The following PHACTR1 variants were observed in gnomAD, a reference collection of about 807,000 sequenced individuals.
PHACTR1 encodes RPEL repeat containing 1.
A neutral mutation model predicts 69.2 loss-of-function variants in PHACTR1; 16 were observed. The observed-to-expected ratio is 0.23, with a 90% CI of 0.16 to 0.35. The LOEUF is 0.35. PHACTR1 is among the 10% of genes least tolerant of loss of function. The pLI, the probability that PHACTR1 is intolerant of heterozygous loss-of-function variation, is 1.00. For synonymous variants in PHACTR1, 312 were observed against 284.5 expected (o/e 1.10, Z -0.97); for missense variants, 510 against 734.7 (o/e 0.69, Z 3.54).
chr6:13,223,548 A>G (rs1053197279), intron 8 of PHACTR1, among the ~76,000 whole-genome samples: 1 of 152,162 alleles, frequency 6.6e-6, no homozygotes, highest in African/African-American at 2.4e-5. Context: ...ACAAGGTATG[A>G]TATTTCCTCC....
At chr6:13,133,201 CT>C (rs1820754452) in intron 5 of PHACTR1, among the ~76,000 whole-genome samples, 3 of 1,360 alleles carry the variant, frequency 2.2e-3, no homozygotes, top group Non-Finnish European at 3.1e-3. Context: ...TCTATTTGGC[CT>C]CCCCCTCCCC....
rs869092852 is a variant in PHACTR1 at position 13,195,757 on chromosome 6, C to CAAAAAAAAAAAAAAAAAAAAA, written c.665-10055_665-10035dup. ...TGGGCGACAGAGAGAGACACCGTCTCAAAAAAAAAAAAAAAAAAAAAAAGT... is the reference window on the plus strand; with the variant it reads ...TGGGCGACAGAGAGAGACACCGTCTCAAAAAAAAAAAAAAAAAAAAAAAAAAAAAAAAAAAAAAAAAAAAGT... On this transcript the variant is annotated intron_variant, in intron 7 of 14. Transcript: ENST00000332995. Among the ~76,000 whole-genome samples the CAAAAAAAAAAAAAAAAAAAAA allele has an allele frequency of 1.9e-3, 77 of 41,480 alleles. 11 individuals carry two copies. The highest frequency in any genetic ancestry group is 3.0e-3 in the Admixed American group (9 of 2,954). 27.2% of individuals were successfully genotyped at this position (41,480 alleles called of 152,430 possible).
rs149759835 is a variant in PHACTR1 at position 13,160,328 on chromosome 6, G to A, written c.496+44G>A. 3.2e-3 allele frequency: 4,814 copies of A among 1,510,428 alleles called. 50 individuals carry two copies. Among genetic ancestry groups the A allele is most frequent in the Non-Finnish European group, 2.2e-3 (2,369 of 1,086,234 alleles). 93.6% of individuals were successfully genotyped at this position (1,510,428 alleles called of 1,614,324 possible). A position where few individuals can be genotyped will look rare whatever the true frequency, so the allele number is the denominator to read the frequency against. On this transcript the variant is annotated intron_variant, in intron 6 of 14. Transcript: ENST00000332995. The stretch of plus-strand genomic sequence containing the variant: ...TCATCCCCGGGTCAAAGAGTCATGC[G>A]TGGAATCTGCATGCATATTGCTTGG...
intron 4 of PHACTR1, among the ~76,000 whole-genome samples, chr6:12,937,909 T>C (rs1016645821): frequency 1.6e-4 from 25 of 152,192 alleles, no homozygotes; most frequent in Admixed American, 1.3e-3. Flanking sequence ...AAGACCAGCA[T>C]GGCCAACACG....
Position 12,792,294 on chromosome 6 carries a change from G to A in PHACTR1, c.250+42504G>A, listed in dbSNP as rs565505362. ...AGCCTGACCAACATGGAGAAACCCC[G>A]TCTCTACCAAAAATACAAAATTAGC... On this transcript the variant is annotated intron_variant, in intron 4 of 14. Transcript: ENST00000332995. Among the ~76,000 whole-genome samples the A allele has an allele frequency of 1.6e-4, 24 of 151,030 alleles. No homozygotes were observed. In the East Asian group the frequency reaches 3.5e-3, roughly 22 times the overall value.
At chr6:12,805,719 G>A (rs891976583) in intron 4 of PHACTR1, among the ~76,000 whole-genome samples, 3 of 151,736 alleles carry the variant, frequency 2.0e-5, no homozygotes, top group East Asian at 1.9e-4. Context: ...TCCTGCCTCC[G>A]TTTCCTGAGT....
At chr6:13,075,832 C>G (rs908386942) in intron 5 of PHACTR1, among the ~76,000 whole-genome samples, 1 of 152,118 alleles carries the variant, frequency 6.6e-6, no homozygotes, top group Non-Finnish European at 1.5e-5. Context: ...AATGATCTTT[C>G]TGCCCTCCGA....
chr6:12,748,112 G>A (rs191793206), intron 3 of PHACTR1, among the ~76,000 whole-genome samples: 6 of 152,234 alleles, frequency 3.9e-5, no homozygotes, highest in Admixed American at 3.9e-4. Context: ...CGAGATTGGA[G>A]TGTAAAAACA....
intron 4 of PHACTR1, among the ~76,000 whole-genome samples, chr6:12,965,481 T>G (rs1398874802): frequency 2.1e-5 from 3 of 144,610 alleles, no homozygotes; most frequent in Non-Finnish European, 4.5e-5. Flanking sequence ...ATTTTGGTGC[T>G]TTTTGTTGGT....
chr6:13,187,697 G>C (rs890143281), intron 7 of PHACTR1, among the ~76,000 whole-genome samples: 13 of 152,170 alleles, frequency 8.5e-5, no homozygotes, highest in African/African-American at 2.9e-4. Context: ...GCTAGCTCTA[G>C]GCCATGCACT....
rs77531854 is a variant in PHACTR1 at position 12,781,562 on chromosome 6, A to G, written c.250+31772A>G. Among the ~76,000 whole-genome samples, 564 of 152,338 alleles carry G rather than the reference A, an allele frequency of 3.7e-3. 1 individual carries two copies. Among genetic ancestry groups the G allele is most frequent in the African/African-American group, 0.013 (545 of 41,576 alleles). Reference sequence around the variant, plus strand: ...ACTGTTAGATAGGCTTTCCACTGGAAAGGAACAGAGGCTCAATGTTGTCAT... The same window carrying G: ...ACTGTTAGATAGGCTTTCCACTGGAGAGGAACAGAGGCTCAATGTTGTCAT... On this transcript the variant is annotated intron_variant, in intron 4 of 14. Transcript: ENST00000332995.
intron 5 of PHACTR1, among the ~76,000 whole-genome samples, chr6:13,136,965 GA>G (rs1428884359): frequency 6.6e-6 from 1 of 152,208 alleles, no homozygotes; most frequent in Admixed American, 6.5e-5. Flanking sequence ...TGAAAAGTGT[GA>G]AAAATTGCAA....
intron 4 of PHACTR1, among the ~76,000 whole-genome samples, chr6:12,928,625 A>G (rs1243628537): frequency 5.4e-5 from 1 of 18,576 alleles, no homozygotes; most frequent in Admixed American, 6.9e-4. Context: ...CCACCCATCC[A>G]TCCATCCATC....
At chr6:13,129,741 C>G (rs1025822410) in intron 5 of PHACTR1, among the ~76,000 whole-genome samples, 1 of 152,104 alleles carries the variant, frequency 6.6e-6, no homozygotes, top group Non-Finnish European at 1.5e-5. Flanking sequence ...CAACACTAGA[C>G]AGGTCATCAC....
intron 3 of PHACTR1, among the ~76,000 whole-genome samples, chr6:12,738,194 CT>C (rs1273344769): frequency 6.6e-6 from 1 of 152,116 alleles, no homozygotes; most frequent in Non-Finnish European, 1.5e-5. Context: ...TTTCCTTTCC[CT>C]TTAATTTTGT....
intron 4 of PHACTR1, among the ~76,000 whole-genome samples, chr6:12,833,998 C>A (rs1316076066): frequency 1.3e-5 from 2 of 152,132 alleles, no homozygotes; most frequent in Non-Finnish European, 2.9e-5. Flanking sequence ...AGCTGCCCCC[C>A]TTAGAGAGAC....
At chr6:12,796,199 G>A (rs769666393) in intron 4 of PHACTR1, among the ~76,000 whole-genome samples, 2 of 152,180 alleles carry the variant, frequency 1.3e-5, no homozygotes, top group African/African-American at 2.4e-5. Flanking sequence ...ATATTTGAGT[G>A]CCCTTTGACT....
chr6:12,792,436 C>G (rs1772418970), intron 4 of PHACTR1, among the ~76,000 whole-genome samples: 1 of 111,582 alleles, frequency 9.0e-6, no homozygotes, highest in African/African-American at 3.3e-5. Context: ...TGTACTCCAG[C>G]CTGGGCAACA....
At chr6:12,744,014 G>A (rs908133262) in intron 3 of PHACTR1, among the ~76,000 whole-genome samples, 6 of 152,036 alleles carry the variant, frequency 3.9e-5, no homozygotes, top group South Asian at 2.1e-4. Flanking sequence ...ACTCAAAACC[G>A]CTCAACTACA....
Sources: allele counts gnomAD v4.1 joint callset (sites outside exome capture counted in the v4.1 genomes callset), GRCh38; gene constraint gnomAD v4.1.1; transcripts MANE v1.5; gene names NCBI Gene and HGNC (gene_info 2026-07-23, HGNC 2026-07-21).